Variants in DNAJB5 observed in about 807,000 individuals in gnomAD.
The protein encoded by DNAJB5 is DnaJ heat shock protein family (Hsp40) member B5.
A neutral mutation model predicts 32.6 loss-of-function variants in DNAJB5; 12 were observed. The observed-to-expected ratio is 0.37, with a 90% CI of 0.24 to 0.60. The LOEUF is 0.60. DNAJB5 is among the 20% of genes least tolerant of loss of function. The pLI is 0.71. For synonymous variants in DNAJB5, 188 were observed against 212.9 expected, an observed-to-expected ratio of 0.88 and a Z score of 1.02; for missense variants, 358 against 554.2, an observed-to-expected ratio of 0.65 and a Z score of 3.55.
Position 34,990,287 on chromosome 9 carries a change from C to T in DNAJB5, c.-132-212C>T. 1 of 1,404,324 alleles carries T rather than the reference C, an allele frequency of 7.1e-7. No individual in the cohort carries two copies. Among genetic ancestry groups the T allele is most frequent in the South Asian group, 1.3e-5 (1 of 79,134 alleles). 87.0% of individuals were successfully genotyped at this position (1,404,324 alleles called of 1,614,324 possible). On this transcript the variant is annotated intron_variant, in intron 1 of 4. Transcript: ENST00000682809. The surrounding 1 kb of genome is among the most constrained non-coding windows in gnomAD (Gnocchi z 4.5). ...TCTTGGGGATTGGGGTCGGGTCCTC[C>T]CCAGTGAGAGGCGACAGGAGCTCAC...
In DNAJB5 at chr9:34,989,794, G is replaced by C; in HGVS notation, c.-170G>C. On this transcript the variant is annotated 5_prime_UTR_variant, in exon 1 of 5. Coordinates refer to ENST00000682809, the MANE Select transcript of DNAJB5 (RefSeq NM_001349723.3). ...GGAGCCGGGGGAGGGGGCAGCGGCTGTCTCACGGACCACGGCGGCGCCCGC... is the reference window on the plus strand; with the variant it reads ...GGAGCCGGGGGAGGGGGCAGCGGCTCTCTCACGGACCACGGCGGCGCCCGC... The C allele has an allele frequency of 8.1e-7, 1 of 1,231,700 alleles. No homozygotes were observed. The highest frequency in any genetic ancestry group is 1.0e-6 in the Non-Finnish European group (1 of 987,814). 76.3% of individuals were successfully genotyped at this position (1,231,700 alleles called of 1,614,324 possible).
rs557204293 is a variant in DNAJB5, at chr9:34,990,824, C to T, written c.182+12C>T. 1.2e-5 allele frequency: 18 copies of T among 1,544,200 alleles called. No homozygotes were observed. The highest frequency in any genetic ancestry group is 1.4e-5 in the Non-Finnish European group (16 of 1,143,542). ...TTTGTAAAGTTTCGGTAAGTCCCTC[C>T]GGAGAAGGGCACTCACACCCATACC... On this transcript the variant is annotated intron_variant, in intron 2 of 4. Coordinates refer to ENST00000682809, the MANE Select transcript of DNAJB5 (RefSeq NM_001349723.3). The surrounding 1 kb of genome is among the most constrained non-coding windows in gnomAD (Gnocchi z 4.5).
At position 34,997,578 on chromosome 9, in the gene DNAJB5, C is replaced by T; in HGVS notation, c.*319C>T. On this transcript the variant is annotated 3_prime_UTR_variant, in exon 5 of 5. Transcript: ENST00000682809. This position sits in a 1 kb window ranked among gnomAD's most constrained non-coding sequence, Gnocchi z 4.1. Reference sequence around the variant, plus strand: ...TGAAGATATGTAGAGATTCCTTATCCATGCCTGTACATAGCATGTCCTCCT... The same window carrying T: ...TGAAGATATGTAGAGATTCCTTATCTATGCCTGTACATAGCATGTCCTCCT... The T allele has an allele frequency of 2.3e-6, 1 of 443,516 alleles. No individual in the cohort carries two copies. The highest frequency in any genetic ancestry group is 2.0e-5 in the South Asian group (1 of 50,164). The allele number at this position is 443,516 out of a possible 1,614,324, so 27.5% of individuals were successfully genotyped here. A position where few individuals can be genotyped will look rare whatever the true frequency, so the allele number is the denominator to read the frequency against.
Position 34,990,142 on chromosome 9 carries a change from T to G in DNAJB5, c.-133+311T>G. The G allele has an allele frequency of 2.9e-5, 14 of 475,670 alleles. No individual in the cohort carries two copies. The highest frequency in any genetic ancestry group is 4.2e-5 in the Non-Finnish European group (11 of 264,948). The allele number at this position is 475,670 out of a possible 1,614,324, so 29.5% of individuals were successfully genotyped here. ...GCGCGGGTGACATCACCGACCACCC[T>G]CCCCCGCCCGAGCCCCCTCCCCTCC... is the stretch of plus-strand genomic sequence containing the variant. On this transcript the variant is annotated intron_variant, in intron 1 of 4. Transcript: ENST00000682809. The surrounding 1 kb of genome is among the most constrained non-coding windows in gnomAD (Gnocchi z 4.5).
At position 34,996,439 on chromosome 9, in the gene DNAJB5, T is replaced by C. The variant is rs1827797346; in HGVS notation, c.602T>C (p.Met201Thr). ...TTCAGTGGCTTTGACCCAGATGACA[T>C]GGATGTGGATGAAGATGAGGACCCA... ...RPFSGFDPDD[M>T]DVDEDEDPFG... Residue 201 changes from methionine to threonine, a missense_variant, in exon 4 of 5, where the codon ATG becomes ACG. Met to Thr is a moderately conservative substitution (Grantham distance 81). This residue lies in a region of DNAJB5 where 248 missense variants were observed against 442.6 expected (regional missense o/e 0.56). Transcript: ENST00000682809. This position sits in a 1 kb window ranked among gnomAD's most constrained non-coding sequence, Gnocchi z 7.2. The C allele has an allele frequency of 6.2e-7, 1 of 1,614,012 alleles. No homozygotes were observed. Among genetic ancestry groups the C allele is most frequent in the Non-Finnish European group, 8.5e-7 (1 of 1,180,002 alleles).
At chr9:34,989,960 G>T in intron 1 of DNAJB5, 129 bp downstream of exon 1, 2 of 1,134,826 alleles carry the variant, frequency 1.8e-6, no homozygotes, top group Admixed American at 7.2e-5. Context: ...GGGGCCCCGG[G>T]GTCTGCAGGG....
rs1462739774 is a variant in DNAJB5, at chr9:34,990,830, A to G, written c.182+18A>G. 1.9e-6 allele frequency: 3 copies of G among 1,542,694 alleles called. No homozygotes were observed. The highest frequency in any genetic ancestry group is 8.8e-7 in the Non-Finnish European group (1 of 1,142,808). ...AAGTTTCGGTAAGTCCCTCCGGAGA[A>G]GGGCACTCACACCCATACCCAGTCA... On this transcript the variant is annotated intron_variant, in intron 2 of 4. Coordinates refer to ENST00000682809, the MANE Select transcript of DNAJB5 (RefSeq NM_001349723.3). The surrounding 1 kb of genome is among the most constrained non-coding windows in gnomAD (Gnocchi z 4.5).
rs201391025 is a variant in DNAJB5, at chr9:34,993,466, C to T, written c.427+22C>T. 1.2e-6 allele frequency: 2 copies of T among 1,601,648 alleles called. No individual in the cohort carries two copies. The highest frequency in any genetic ancestry group is 2.7e-5 in the African/African-American group (2 of 73,826). ...GAAGGTAAGAGGGCAGCACTCCAGC[C>T]CAATCCCGGACCCCTCCGCTTGGTA... On this transcript the variant is annotated intron_variant, in intron 3 of 4. Coordinates refer to ENST00000682809, the MANE Select transcript of DNAJB5 (RefSeq NM_001349723.3). This position sits in a 1 kb window ranked among gnomAD's most constrained non-coding sequence, Gnocchi z 4.7.
chr9:34,995,552 T>G (rs1011138285), intron 3 of DNAJB5, among the ~76,000 whole-genome samples: 2 of 152,248 alleles, frequency 1.3e-5, no homozygotes, highest in Non-Finnish European at 2.9e-5. Flanking sequence ...CCATTCCCAT[T>G]GTAGTCTATG....
Position 34,996,188 on chromosome 9 carries a change from A to G in DNAJB5, c.428-77A>G. The G allele has an allele frequency of 6.5e-7, 1 of 1,534,590 alleles. No individual in the cohort carries two copies. Among genetic ancestry groups the G allele is most frequent in the South Asian group, 1.3e-5 (1 of 77,136 alleles). On this transcript the variant is annotated intron_variant, in intron 3 of 4. Coordinates refer to ENST00000682809, the MANE Select transcript of DNAJB5 (RefSeq NM_001349723.3). This position sits in a 1 kb window ranked among gnomAD's most constrained non-coding sequence, Gnocchi z 7.2. ...TCTTTCTTTAAGCCTGTGAACTGGG[A>G]GCTAGAGGGCAGGGGGAAGACACTG...
At chr9:34,995,722 G>T (rs1043489278) in intron 3 of DNAJB5, among the ~76,000 whole-genome samples, 1 of 152,148 alleles carries the variant, frequency 6.6e-6, no homozygotes, top group South Asian at 2.1e-4. Context: ...TTTGAGCAGG[G>T]GCCAGGGAAA....
At chr9:34,991,616 C>CCA (rs1554662652) in intron 2 of DNAJB5, 2 of 107,760 alleles carry the variant, frequency 1.9e-5, no homozygotes, top group African/African-American at 2.4e-4. Context: ...TGGCAGACCA[C>CCA]CCCCCCCCGC....
At chr9:34,991,443 G>C (rs1243735048) in intron 2 of DNAJB5, 1 of 455,558 alleles carries the variant, frequency 2.2e-6, no homozygotes. Flanking sequence ...AAGCTGGCCG[G>C]GTGTGGAGGT....
Position 34,993,557 on chromosome 9 carries a change from A to G in DNAJB5, c.427+113A>G. 7 of 1,407,152 alleles carry G rather than the reference A, an allele frequency of 5.0e-6. No homozygotes were observed. Among genetic ancestry groups the G allele is most frequent in the Non-Finnish European group, 6.7e-6 (7 of 1,045,326 alleles). 87.2% of individuals were successfully genotyped at this position (1,407,152 alleles called of 1,614,324 possible). A position where few individuals can be genotyped will look rare whatever the true frequency, so the allele number is the denominator to read the frequency against. ...GGCTGTGGAGGGGGTGAGGGCAGCA[A>G]GGGTTTCCAGCACTGTCACCCAGAG... is the stretch of plus-strand genomic sequence containing the variant. On this transcript the variant is annotated intron_variant, in intron 3 of 4. Transcript: ENST00000682809. This position sits in a 1 kb window ranked among gnomAD's most constrained non-coding sequence, Gnocchi z 4.7.
intron 2 of DNAJB5, chr9:34,991,676 C>CG (rs539865225): frequency 2.7e-5 from 7 of 259,390 alleles, no homozygotes; most frequent in African/African-American, 1.3e-4. Flanking sequence ...TTGCCCCCCC[C>CG]CCCAACGAGG....
chr9:34,993,195 T>C lies in DNAJB5; in HGVS notation c.183-5T>C. 1 of 1,606,830 alleles carries C rather than the reference T, an allele frequency of 6.2e-7. No homozygotes were observed. Among genetic ancestry groups the C allele is most frequent in the Non-Finnish European group, 8.5e-7 (1 of 1,177,394 alleles). On this transcript the variant is annotated splice_polypyrimidine_tract_variant and splice_region_variant and intron_variant, in intron 2 of 4. Coordinates refer to ENST00000682809, the MANE Select transcript of DNAJB5 (RefSeq NM_001349723.3). This position sits in a 1 kb window ranked among gnomAD's most constrained non-coding sequence, Gnocchi z 4.7. ...CATCAAGTCTTGGCCCTGGGTTTCT[T>C]TCAGAAACAAGGAGACCAGTGCTGG...
chr9:34,990,266 G>A lies in DNAJB5; in HGVS notation c.-132-233G>A, dbSNP rs1827585972. 12 of 1,362,010 alleles carry A rather than the reference G, an allele frequency of 8.8e-6. No individual in the cohort carries two copies. In the South Asian group the frequency reaches 1.6e-4, roughly 18 times the overall value. The allele number at this position is 1,362,010 out of a possible 1,614,324, so 84.4% of individuals were successfully genotyped here. A position where few individuals can be genotyped will look rare whatever the true frequency, so the allele number is the denominator to read the frequency against. On this transcript the variant is annotated intron_variant, in intron 1 of 4. Coordinates refer to ENST00000682809, the MANE Select transcript of DNAJB5 (RefSeq NM_001349723.3). This position sits in a 1 kb window ranked among gnomAD's most constrained non-coding sequence, Gnocchi z 4.5. ...CAGTGACTTCATTGAGTAGGTTCTTGGGGATTGGGGTCGGGTCCTCCCCAG... is the reference window on the plus strand; with the variant it reads ...CAGTGACTTCATTGAGTAGGTTCTTAGGGATTGGGGTCGGGTCCTCCCCAG...
chr9:34,991,678 C>CCCG (rs1554662753), intron 2 of DNAJB5: 8 of 262,840 alleles, frequency 3.0e-5, no homozygotes, highest in African/African-American at 1.3e-4. Context: ...GCCCCCCCCC[C>CCCG]CAACGAGGTG....
Position 34,990,099 on chromosome 9 carries a change from G to A in DNAJB5, c.-133+268G>A, listed in dbSNP as rs1009109823. ...GGTTCTGTGGGGCGGAGGCATCTGTGAGCAGACCAGCCAGCCAGCGCGGGT... is the reference window on the plus strand; with the variant it reads ...GGTTCTGTGGGGCGGAGGCATCTGTAAGCAGACCAGCCAGCCAGCGCGGGT... On this transcript the variant is annotated intron_variant, in intron 1 of 4. Transcript: ENST00000682809. The surrounding 1 kb of genome is among the most constrained non-coding windows in gnomAD (Gnocchi z 4.5). 1.3e-6 allele frequency: 1 copy of A among 752,094 alleles called. No individual in the cohort carries two copies. Among genetic ancestry groups the A allele is most frequent in the Non-Finnish European group, 2.1e-6 (1 of 484,656 alleles). The allele number at this position is 752,094 out of a possible 1,614,324, so 46.6% of individuals were successfully genotyped here. A position where few individuals can be genotyped will look rare whatever the true frequency, so the allele number is the denominator to read the frequency against.
Sources: gnomAD v4.1 joint callset for allele counts (sites outside exome capture counted in the v4.1 genomes callset) on GRCh38, gnomAD v4.1.1 for gene constraint, gnomAD v4.1.1 regional missense constraint, Gnocchi (gnomAD v3.1) non-coding constraint, MANE v1.5 for transcripts, NCBI Gene and HGNC (gene_info 2026-07-23, HGNC 2026-07-21) for gene names.